SGCD: variants seen among roughly 807,000 people sequenced by gnomAD.
SGCD encodes sarcoglycan delta.
In SGCD, 18 loss-of-function variants were observed where a neutral mutation model predicts 36.6. The observed-to-expected ratio is 0.49, with a 90% confidence interval of 0.34 to 0.73. The LOEUF is 0.73. SGCD is among the 30% of genes least tolerant of loss of function. SGCD has a pLI of 0.01. For synonymous variants in SGCD, 133 were observed against 130.6 expected (o/e 1.02, Z -0.12); for missense variants, 387 against 346.7 (o/e 1.12, Z -0.92).
the SGCD span, among the ~76,000 whole-genome samples, chr5:155,729,883 T>C: frequency 6.6e-6 from 1 of 152,200 alleles, no homozygotes; most frequent in East Asian, 1.9e-4. Flanking sequence ...CGGAGTTGGC[T>C]GGTCCTCGGA....
intron 1 of SGCD, among the ~76,000 whole-genome samples, 174 bp downstream of exon 1, chr5:156,327,406 T>TC (rs539402688): frequency 1.3e-5 from 2 of 152,202 alleles, no homozygotes; most frequent in Non-Finnish European, 2.9e-5. Flanking sequence ...TCTGTGCTTT[T>TC]CCCCCTTTAA....
At chr5:156,166,292 C>T (rs7714789) in intron 3 of SGCD, among the ~76,000 whole-genome samples, 100,908 of 151,526 alleles carry the variant, frequency 0.67, 33,895 homozygotes, top group East Asian at 0.94. Context: ...ACTTCCAAGA[C>T]GTATTGACGA....
intron 4 of SGCD, among the ~76,000 whole-genome samples, chr5:156,534,489 T>C (rs562022694): frequency 6.6e-6 from 1 of 152,334 alleles, no homozygotes; most frequent in Admixed American, 6.5e-5. Flanking sequence ...GATTGTGGTA[T>C]GAGTTCTGTC....
At chr5:156,215,475 C>T (rs1484541757) in intron 3 of SGCD, among the ~76,000 whole-genome samples, 2 of 151,984 alleles carry the variant, frequency 1.3e-5, no homozygotes, top group Non-Finnish European at 2.9e-5. Flanking sequence ...ACTCAAGAAA[C>T]TCAATAGCAA....
At chr5:156,334,406 T>G (rs1453215863) in intron 2 of SGCD, among the ~76,000 whole-genome samples, 2 of 152,202 alleles carry the variant, frequency 1.3e-5, no homozygotes, top group Non-Finnish European at 2.9e-5. Flanking sequence ...CCAAGGGCAT[T>G]CAGTTCACAT....
the SGCD span, among the ~76,000 whole-genome samples, chr5:155,821,607 C>T: frequency 6.6e-6 from 1 of 152,196 alleles, no homozygotes; most frequent in Non-Finnish European, 1.5e-5. Flanking sequence ...GCTACTGTGC[C>T]TGGCCTGAAG....
upstream of SGCD, among the ~76,000 whole-genome samples, chr5:155,866,031 C>T (rs1305127243): frequency 1.3e-5 from 2 of 152,148 alleles, no homozygotes; most frequent in South Asian, 2.1e-4. Flanking sequence ...CAGCTCACAA[C>T]TCAAACAGTT....
intron 7 of SGCD, among the ~76,000 whole-genome samples, chr5:156,718,100 C>CAAAG (rs1755308849): frequency 6.6e-6 from 1 of 152,106 alleles, no homozygotes; most frequent in African/African-American, 2.4e-5. Context: ...ATTTCTCTTC[C>CAAAG]AAAGATGCTT....
chr5:156,549,586 A>G (rs1038324770), intron 4 of SGCD, among the ~76,000 whole-genome samples: 1 of 152,242 alleles, frequency 6.6e-6, no homozygotes, highest in Admixed American at 6.5e-5. Flanking sequence ...TGTGTTATTT[A>G]GTCTAATGCA....
chr5:156,398,557 C>A (rs1047438875), intron 3 of SGCD, among the ~76,000 whole-genome samples: 1 of 152,186 alleles, frequency 6.6e-6, no homozygotes, highest in African/African-American at 2.4e-5. Context: ...TAGGTGCCTT[C>A]CTGCCATAAT....
At chr5:156,576,457 G>T (rs1759960551) in intron 4 of SGCD, among the ~76,000 whole-genome samples, 1 of 152,170 alleles carries the variant, frequency 6.6e-6, no homozygotes, top group Non-Finnish European at 1.5e-5. Context: ...AGATCACTGA[G>T]TCAAACGGTA....
chr5:156,428,855 T>A (rs57757758), intron 3 of SGCD, among the ~76,000 whole-genome samples: 30,589 of 152,006 alleles, frequency 0.2, 3,377 homozygotes, highest in Middle Eastern at 0.29. Context: ...GTGGGTTCTA[T>A]TTGTGGGTGA....
intron 3 of SGCD, among the ~76,000 whole-genome samples, chr5:156,153,853 TC>T (rs1244059930): frequency 6.6e-6 from 1 of 151,574 alleles, no homozygotes; most frequent in Non-Finnish European, 1.5e-5. Flanking sequence ...TTTTCAAAGC[TC>T]CAAAGGGTGA....
intron 7 of SGCD, among the ~76,000 whole-genome samples, chr5:156,727,479 C>G (rs1003665905): frequency 6.6e-6 from 1 of 152,198 alleles, no homozygotes; most frequent in Admixed American, 6.5e-5. Context: ...CAAGTACTAC[C>G]TTCTGGTCAA....
At chr5:156,157,438 G>T (rs1762989907) in intron 3 of SGCD, among the ~76,000 whole-genome samples, 1 of 151,658 alleles carries the variant, frequency 6.6e-6, no homozygotes, top group African/African-American at 2.4e-5. Context: ...TAGGTCTAAT[G>T]GGTGACTGTC....
intron 7 of SGCD, among the ~76,000 whole-genome samples, chr5:156,726,880 G>A (rs1361524109): frequency 6.6e-6 from 1 of 152,206 alleles, no homozygotes; most frequent in Non-Finnish European, 1.5e-5. Context: ...TATGATTGTG[G>A]TCAAGTTACT....
intron 1 of SGCD, among the ~76,000 whole-genome samples, chr5:156,005,295 T>C (rs1190134967): frequency 6.6e-6 from 1 of 152,148 alleles, no homozygotes; most frequent in Non-Finnish European, 1.5e-5. Context: ...GCTTTCCAGC[T>C]TGCATTAGGA....
chr5:155,911,418 T>G (rs935054104), intron 1 of SGCD, among the ~76,000 whole-genome samples: 3 of 151,682 alleles, frequency 2.0e-5, no homozygotes, highest in African/African-American at 4.8e-5. Context: ...AATCTAAACA[T>G]CCTTCTAACC....
intron 3 of SGCD, among the ~76,000 whole-genome samples, chr5:156,127,403 A>G (rs894024749): frequency 6.6e-6 from 1 of 152,160 alleles, no homozygotes; most frequent in African/African-American, 2.4e-5. Flanking sequence ...CAGGAGTTCA[A>G]GACCAGCCTG....
Sources: gnomAD v4.1 joint callset for allele counts (sites outside exome capture counted in the v4.1 genomes callset) on GRCh38, gnomAD v4.1.1 for gene constraint, MANE v1.5 for transcripts, NCBI Gene and HGNC (gene_info 2026-07-23, HGNC 2026-07-21) for gene names.